Variants in CCSER1 observed in about 807,000 individuals in gnomAD.
CCSER1 encodes the protein coiled-coil serine rich protein 1.
A neutral mutation model predicts 82.0 loss-of-function variants in CCSER1; 41 were observed. That is an observed-to-expected ratio of 0.50 (90% CI 0.39 to 0.65). CCSER1 has a LOEUF of 0.65. CCSER1 is among the 30% of genes least tolerant of loss of function. CCSER1 has a pLI of 0.00. For synonymous variants in CCSER1, 414 were observed against 383.9 expected, an observed-to-expected ratio of 1.08 and a Z score of -0.92; for missense variants, 1,119 against 1,064.2, an observed-to-expected ratio of 1.05 and a Z score of -0.72.
intron 3 of CCSER1, among the ~76,000 whole-genome samples, chr4:90,381,609 T>C (rs1222324555): frequency 6.6e-6 from 1 of 152,118 alleles, no homozygotes. Context: ...TTCAGAAATG[T>C]AATGATCCTG....
intron 10 of CCSER1, among the ~76,000 whole-genome samples, chr4:91,242,225 T>C (rs2149131345): frequency 6.6e-6 from 1 of 152,234 alleles, no homozygotes; most frequent in South Asian, 2.1e-4. Flanking sequence ...TGGAGCCTAG[T>C]AAAGTGGACG....
At chr4:91,341,788 C>T (rs921323927) in intron 10 of CCSER1, among the ~76,000 whole-genome samples, 9 of 152,168 alleles carry the variant, frequency 5.9e-5, no homozygotes, top group African/African-American at 1.9e-4. Flanking sequence ...CCGCCTGCCT[C>T]GGTCTTCCGA....
intron 10 of CCSER1, among the ~76,000 whole-genome samples, chr4:91,343,895 A>G (rs1206253983): frequency 6.6e-6 from 1 of 152,206 alleles, no homozygotes; most frequent in Non-Finnish European, 1.5e-5. Flanking sequence ...TTCTCTACAC[A>G]TATATGTAAG....
intron 8 of CCSER1, among the ~76,000 whole-genome samples, chr4:90,888,701 G>T (rs1722517461): frequency 6.6e-6 from 1 of 151,976 alleles, no homozygotes; most frequent in Non-Finnish European, 1.5e-5. Flanking sequence ...TTTGAAAGTG[G>T]GCCTAGAGAT....
chr4:90,505,827 C>T (rs558839180), intron 5 of CCSER1, among the ~76,000 whole-genome samples: 80 of 152,220 alleles, frequency 5.3e-4, no homozygotes, highest in African/African-American at 1.7e-3. Context: ...GGCAGATTTT[C>T]GCCAACTTCT....
chr4:90,236,565 CAATTGAGAGTTTTGTGTTTTATTTTCCCT>C (rs1299001974), intron 1 of CCSER1, among the ~76,000 whole-genome samples: 1 of 152,118 alleles, frequency 6.6e-6, no homozygotes, highest in Non-Finnish European at 1.5e-5. Context: ...GGGATAATAA[CAATTGAGAGTTTTGTGTTTTATTTTCCCT>C]AATTGAGAAT....
At chr4:90,275,240 A>C (rs1204650072) in intron 1 of CCSER1, among the ~76,000 whole-genome samples, 1 of 152,126 alleles carries the variant, frequency 6.6e-6, no homozygotes, top group African/African-American at 2.4e-5. Context: ...TTTGACTAGC[A>C]AGCTGGATTA....
intron 10 of CCSER1, among the ~76,000 whole-genome samples, chr4:91,519,196 C>G (rs1415836867): frequency 6.6e-6 from 1 of 152,168 alleles, no homozygotes; most frequent in Admixed American, 6.5e-5. Flanking sequence ...GTATGGAGAA[C>G]AGTCCTGCCA....
chr4:91,371,261 T>A (rs1750023885), intron 10 of CCSER1, among the ~76,000 whole-genome samples: 1 of 152,280 alleles, frequency 6.6e-6, no homozygotes, highest in African/African-American at 2.4e-5. Flanking sequence ...ACTGTATTTT[T>A]GTACATCCCC....
intron 3 of CCSER1, among the ~76,000 whole-genome samples, chr4:90,338,631 A>G (rs1196385818): frequency 6.6e-6 from 1 of 152,332 alleles, no homozygotes; most frequent in South Asian, 2.1e-4. Context: ...GCTTAATTGA[A>G]TTGACTGCTT....
chr4:91,385,514 G>A (rs752520903), intron 10 of CCSER1, among the ~76,000 whole-genome samples: 2 of 151,714 alleles, frequency 1.3e-5, no homozygotes, highest in Non-Finnish European at 2.9e-5. Flanking sequence ...TTAGATGGAG[G>A]TTAATGTTTA....
intron 1 of CCSER1, among the ~76,000 whole-genome samples, chr4:90,156,866 C>T (rs1728313983): frequency 6.6e-6 from 1 of 152,118 alleles, no homozygotes; most frequent in Non-Finnish European, 1.5e-5. Context: ...ACATTTAGTC[C>T]AGTTACATTT....
At chr4:91,436,854 C>A (rs1205197166) in intron 10 of CCSER1, among the ~76,000 whole-genome samples, 1 of 152,080 alleles carries the variant, frequency 6.6e-6, no homozygotes, top group African/African-American at 2.4e-5. Context: ...CTCAAACATC[C>A]AGAAAAGAAT....
At chr4:90,962,120 T>C (rs1462650759) in intron 9 of CCSER1, among the ~76,000 whole-genome samples, 1 of 152,088 alleles carries the variant, frequency 6.6e-6, no homozygotes, top group East Asian at 1.9e-4. Flanking sequence ...GTTCAGTAAC[T>C]TGTCTATGAT....
chr4:90,874,277 C>T (rs151100351), intron 8 of CCSER1, among the ~76,000 whole-genome samples: 24 of 152,092 alleles, frequency 1.6e-4, no homozygotes, highest in South Asian at 8.3e-4. Flanking sequence ...TATCAACAAA[C>T]GCAAATCATT....
intron 10 of CCSER1, among the ~76,000 whole-genome samples, chr4:91,515,235 C>T (rs1406793808): frequency 6.6e-6 from 1 of 151,954 alleles, no homozygotes; most frequent in South Asian, 2.1e-4. Flanking sequence ...CTCAGGGGTA[C>T]ATGTGCAGGT....
At position 90,940,653 on chromosome 4, in the gene CCSER1, G is replaced by A. The variant is rs1731484129; in HGVS notation, c.2172+17206G>A. Among the ~76,000 whole-genome samples, 3 of 152,078 alleles carry A rather than the reference G, an allele frequency of 2.0e-5. No homozygotes were observed. In the South Asian group the frequency reaches 6.2e-4, roughly 32 times the overall value. On this transcript the variant is annotated intron_variant, in intron 9 of 10. Transcript: ENST00000509176. ...TAATTATTTCCCAAAAGGGGGACAA[G>A]AGACATCAGTATTTATTGATCAAAG...
intron 6 of CCSER1, among the ~76,000 whole-genome samples, chr4:90,637,448 G>A (rs1725634725): frequency 6.6e-6 from 1 of 152,074 alleles, no homozygotes; most frequent in Non-Finnish European, 1.5e-5. Flanking sequence ...ATTTAGCATG[G>A]AAGAACAATA....
intron 10 of CCSER1, among the ~76,000 whole-genome samples, chr4:91,179,434 T>A (rs1733765289): frequency 6.6e-6 from 1 of 152,224 alleles, no homozygotes; most frequent in Non-Finnish European, 1.5e-5. Context: ...CACTTTCAGG[T>A]ACACCAGTCA....
Sources: gnomAD v4.1 joint callset for allele counts (sites outside exome capture counted in the v4.1 genomes callset) on GRCh38, gnomAD v4.1.1 for gene constraint, MANE v1.5 for transcripts, NCBI Gene and HGNC (gene_info 2026-07-23, HGNC 2026-07-21) for gene names.